The following USP3 variants were observed in gnomAD, a reference collection of about 807,000 sequenced individuals.
USP3 encodes the protein ubiquitin carboxyl-terminal hydrolase 3.
A neutral mutation model predicts 72.3 loss-of-function variants in USP3; 20 were observed. The ratio of observed to expected loss-of-function variants is 0.28; its 90% CI spans 0.19 to 0.40. The LOEUF (loss-of-function observed/expected upper bound fraction) is 0.40. Ranked by LOEUF, USP3 falls within the 10% of genes least tolerant of loss-of-function variation. The probability of loss-of-function intolerance (pLI) is 1.00; values close to 1 mark genes in which losing one functional copy is unlikely to be tolerated. For synonymous variants in USP3, 222 were observed against 225.3 expected (o/e 0.99, Z 0.13); for missense variants, 479 against 633.9 (o/e 0.76, Z 2.62).
At chr15:63,531,733 C>T (rs544902309) in intron 1 of USP3, among the ~76,000 whole-genome samples, 4 of 152,252 alleles carry the variant, frequency 2.6e-5, no homozygotes, top group East Asian at 1.9e-4. Context: ...GCATCTACAA[C>T]GTGCTAGGTG....
intron 2 of USP3, among the ~76,000 whole-genome samples, chr15:63,533,047 T>A (rs939834140): frequency 1.3e-5 from 2 of 152,170 alleles, no homozygotes; most frequent in Admixed American, 1.3e-4. Context: ...GGGTAAAATT[T>A]AAGCACACAC....
chr15:63,542,838 G>C (rs1432982321), intron 3 of USP3, among the ~76,000 whole-genome samples: 2 of 152,022 alleles, frequency 1.3e-5, no homozygotes, highest in Non-Finnish European at 2.9e-5. Context: ...GCATTGTTTT[G>C]GTAGTTCTAG....
At chr15:63,569,379 A>C (rs1293619040) in intron 8 of USP3, among the ~76,000 whole-genome samples, 1 of 152,186 alleles carries the variant, frequency 6.6e-6, no homozygotes, top group Admixed American at 6.5e-5. Context: ...TTCTGACTTT[A>C]AGTTCCAAAG....
chr15:63,507,009 A>C (rs2065722340), intron 1 of USP3, among the ~76,000 whole-genome samples: 1 of 152,196 alleles, frequency 6.6e-6, no homozygotes, highest in Non-Finnish European at 1.5e-5. Flanking sequence ...TCAGTGATTA[A>C]ATGATGAATC....
intron 3 of USP3, chr15:63,551,765 TAAAAA>T (rs2066439434): frequency 2.0e-5 from 3 of 152,228 alleles, no homozygotes; most frequent in Admixed American, 6.5e-5. Flanking sequence ...GTTTTAAAAA[TAAAAA>T]TTGTATTCCT....
At position 63,591,057 on chromosome 15, in the gene USP3, AT is replaced by A. The variant is rs1245013621; in HGVS notation, c.*236del. On this transcript the variant is annotated 3_prime_UTR_variant, in exon 15 of 15. Coordinates refer to ENST00000380324, the MANE Select transcript of USP3 (RefSeq NM_006537.4). ...TTGCTGCTTTAGTTGTAATAATTCA[AT>A]TTTTATAGGTAGTTGTAAGAACTTA... 1.4e-5 allele frequency: 6 copies of A among 436,174 alleles called. No individual in the cohort carries two copies. The highest frequency in any genetic ancestry group is 6.1e-5 in the African/African-American group (3 of 48,994). 27.0% of individuals were successfully genotyped at this position (436,174 alleles called of 1,614,324 possible). A position where few individuals can be genotyped will look rare whatever the true frequency, so the allele number is the denominator to read the frequency against.
chr15:63,589,388 CATTA>C (rs1352348080), intron 14 of USP3, among the ~76,000 whole-genome samples: 1 of 152,154 alleles, frequency 6.6e-6, no homozygotes, highest in Non-Finnish European at 1.5e-5. Context: ...TGTTAAAAAA[CATTA>C]ATTTTTTCCC....
At chr15:63,572,878 A>G (rs970546232) in intron 9 of USP3, among the ~76,000 whole-genome samples, 5 of 152,264 alleles carry the variant, frequency 3.3e-5, no homozygotes, top group Admixed American at 2.0e-4. Flanking sequence ...CCAGACCAGC[A>G]GTATGACCTT....
At position 63,519,863 on chromosome 15, in the gene USP3, T is replaced by G. The variant is rs189757172; in HGVS notation, c.92-12784T>G. Among the ~76,000 whole-genome samples the G allele has an allele frequency of 4.3e-5, 6 of 139,038 alleles. No individual in the cohort carries two copies. The East Asian group carries it at 5.8e-4, about 13-fold the overall frequency. The allele number at this position is 139,038 out of a possible 152,430, so 91.2% of individuals were successfully genotyped here. On this transcript the variant is annotated intron_variant, in intron 1 of 14. Coordinates refer to ENST00000380324, the MANE Select transcript of USP3 (RefSeq NM_006537.4). ...CTTACTTATCTTAATAAGCACTCGG[T>G]TTTTTTTTATTCTAAGGTACTCATC...
At chr15:63,562,780 C>G (rs2066628642) in intron 7 of USP3, 115 bp from the exon 8 acceptor site, 5 of 605,914 alleles carry the variant, frequency 8.3e-6, no homozygotes, top group Non-Finnish European at 1.4e-5. Context: ...CAGAAAAGAC[C>G]AAATCCTTTT....
chr15:63,525,094 G>A (rs1257298245), intron 1 of USP3, among the ~76,000 whole-genome samples: 1 of 152,198 alleles, frequency 6.6e-6, no homozygotes, highest in Admixed American at 6.5e-5. Context: ...ATAAGAAAGG[G>A]ATAGAGGCAA....
chr15:63,578,029 C>G (rs1023995024), intron 11 of USP3, among the ~76,000 whole-genome samples: 1 of 152,014 alleles, frequency 6.6e-6, no homozygotes, highest in African/African-American at 2.4e-5. Flanking sequence ...AGTCCCAGCA[C>G]TTTGGGAGGC....
At chr15:63,514,453 C>T (rs1329342414) in intron 1 of USP3, among the ~76,000 whole-genome samples, 2 of 152,026 alleles carry the variant, frequency 1.3e-5, no homozygotes, top group Admixed American at 6.6e-5. Flanking sequence ...GCAGAGTATA[C>T]GTATTTGCCA....
At chr15:63,506,539 CACAT>C (rs1316729385) in intron 1 of USP3, among the ~76,000 whole-genome samples, 3 of 152,152 alleles carry the variant, frequency 2.0e-5, no homozygotes, top group Admixed American at 6.5e-5. Flanking sequence ...CTTCACTGGG[CACAT>C]ACATCTAAAA....
chr15:63,566,515 A>G (rs527994893), intron 8 of USP3, among the ~76,000 whole-genome samples: 29 of 151,948 alleles, frequency 1.9e-4, no homozygotes, highest in Non-Finnish European at 2.8e-4. Context: ...GGATTTCACT[A>G]TGTTGGCTAG....
chr15:63,526,585 T>G (rs1367548561), intron 1 of USP3, among the ~76,000 whole-genome samples: 1 of 151,930 alleles, frequency 6.6e-6, no homozygotes, highest in Non-Finnish European at 1.5e-5. Context: ...TGTAGGCGGG[T>G]GGTTCTTGAG....
rs769034921 is a variant in USP3 at position 63,591,823 on chromosome 15, G to C, written c.*997G>C. ...CAGGAGGAAATTTAGAATCTTCGCTGCTCTGGGTTTTAACACCTCTCTCTG... is the reference window on the plus strand; with the variant it reads ...CAGGAGGAAATTTAGAATCTTCGCTCCTCTGGGTTTTAACACCTCTCTCTG... On this transcript the variant is annotated 3_prime_UTR_variant, in exon 15 of 15. Coordinates refer to ENST00000380324, the MANE Select transcript of USP3 (RefSeq NM_006537.4). 1 of 152,216 alleles carries C rather than the reference G, an allele frequency of 6.6e-6. No individual in the cohort carries two copies. The highest frequency in any genetic ancestry group is 1.5e-5 in the Non-Finnish European group (1 of 68,054). The allele number at this position is 152,216 out of a possible 1,614,324, so 9.4% of individuals were successfully genotyped here.
intron 3 of USP3, among the ~76,000 whole-genome samples, chr15:63,548,366 C>T (rs1451604770): frequency 1.3e-5 from 2 of 151,954 alleles, no homozygotes; most frequent in Non-Finnish European, 2.9e-5. Flanking sequence ...CACTCTGTTG[C>T]CCAGGCTGGA....
chr15:63,578,764 G>C (rs1319643592), intron 11 of USP3, among the ~76,000 whole-genome samples: 1 of 152,146 alleles, frequency 6.6e-6, no homozygotes, highest in Non-Finnish European at 1.5e-5. Flanking sequence ...CTGAAATATT[G>C]CTCAGATGTC....
Sources: allele counts gnomAD v4.1 joint callset (sites outside exome capture counted in the v4.1 genomes callset), GRCh38; gene constraint gnomAD v4.1.1; transcripts MANE v1.5; gene names NCBI Gene and HGNC (gene_info 2026-07-23, HGNC 2026-07-21).